CLVS1: variants seen among roughly 807,000 people sequenced by gnomAD.
CLVS1 encodes the protein clavesin 1, also known as clavesin-1.
A neutral mutation model predicts 33.1 loss-of-function variants in CLVS1; 10 were observed. That is an observed-to-expected ratio of 0.30 (90% CI 0.19 to 0.51). CLVS1 has a LOEUF of 0.51. Ranked by LOEUF, CLVS1 falls within the 20% of genes least tolerant of loss-of-function variation. The pLI, the probability that CLVS1 is intolerant of heterozygous loss-of-function variation, is 0.97. For synonymous variants in CLVS1, 163 were observed against 166.1 expected (o/e 0.98, Z 0.14); for missense variants, 343 against 433.4 (o/e 0.79, Z 1.85).
At chr8:61,388,526 C>T (rs910533681) in intron 3 of CLVS1, among the ~76,000 whole-genome samples, 2 of 151,902 alleles carry the variant, frequency 1.3e-5, no homozygotes, top group African/African-American at 2.4e-5. Flanking sequence ...AATTATACAG[C>T]AGTTGTATCT....
intron 2 of CLVS1, among the ~76,000 whole-genome samples, chr8:61,307,079 T>C (rs2129595179): frequency 6.6e-6 from 1 of 152,306 alleles, no homozygotes; most frequent in South Asian, 2.1e-4. Flanking sequence ...TGAATCCAGA[T>C]AATAAAAGCC....
chr8:60,980,907 G>A, the CLVS1 span, among the ~76,000 whole-genome samples: 1 of 132,930 alleles, frequency 7.5e-6, no homozygotes, highest in Non-Finnish European at 1.7e-5. Flanking sequence ...ACCCTCATAA[G>A]AGAGAGGCAG....
At chr8:61,440,993 C>G (rs565251090) in intron 3 of CLVS1, among the ~76,000 whole-genome samples, 17 of 152,216 alleles carry the variant, frequency 1.1e-4, no homozygotes, top group Non-Finnish European at 2.2e-4. Flanking sequence ...ATTGCATGAG[C>G]ACTTCATTTT....
chr8:61,043,044 A>G, the CLVS1 span, among the ~76,000 whole-genome samples: 66 of 152,288 alleles, frequency 4.3e-4, no homozygotes, highest in African/African-American at 1.5e-3. Context: ...GATTCCTCCC[A>G]ACCCAAAGCA....
At chr8:61,303,408 A>G (rs1375119248) in intron 2 of CLVS1, among the ~76,000 whole-genome samples, 4 of 152,204 alleles carry the variant, frequency 2.6e-5, no homozygotes, top group African/African-American at 7.2e-5. Context: ...TTCCTGAGAT[A>G]CCTGCCAGCT....
chr8:61,122,634 G>A (rs1206042216), intron 1 of CLVS1, among the ~76,000 whole-genome samples: 1 of 150,040 alleles, frequency 6.7e-6, no homozygotes, highest in Non-Finnish European at 1.5e-5. Context: ...AGCAAGAAGT[G>A]AAAGACTACA....
chr8:61,301,106 A>C (rs1810416062), intron 2 of CLVS1: 1 of 152,132 alleles, frequency 6.6e-6, no homozygotes, highest in South Asian at 2.1e-4. Context: ...GACCCTTCCA[A>C]AATTCTGTTA....
intron 2 of CLVS1, among the ~76,000 whole-genome samples, chr8:61,139,600 G>T (rs2129292762): frequency 6.6e-6 from 1 of 152,206 alleles, no homozygotes; most frequent in Non-Finnish European, 1.5e-5. Flanking sequence ...AGAAGGGAGG[G>T]CGCAGGCGTA....
intron 2 of CLVS1, among the ~76,000 whole-genome samples, chr8:61,346,728 G>T (rs1812233727): frequency 6.6e-6 from 1 of 152,178 alleles, no homozygotes; most frequent in South Asian, 2.1e-4. Context: ...GAGCATGGCA[G>T]ATCATAGTCC....
intron 2 of CLVS1, among the ~76,000 whole-genome samples, chr8:61,338,310 A>AT (rs112441994): frequency 1.3e-5 from 2 of 152,340 alleles, no homozygotes; most frequent in African/African-American, 4.8e-5. Flanking sequence ...TTTGCCACGC[A>AT]TTTACCATTT....
chr8:61,029,318 T>C, the CLVS1 span, among the ~76,000 whole-genome samples: 380 of 152,326 alleles, frequency 2.5e-3, 3 homozygotes, highest in African/African-American at 8.9e-3. Flanking sequence ...TGCCAAAGTC[T>C]GGTTTACTGC....
chr8:61,310,105 C>G (rs949055583), intron 2 of CLVS1, among the ~76,000 whole-genome samples: 9 of 152,132 alleles, frequency 5.9e-5, no homozygotes, highest in African/African-American at 2.2e-4. Context: ...AACCCTGCCC[C>G]CAAAGCCTAT....
At chr8:61,218,874 G>T (rs540280948) in intron 2 of CLVS1, among the ~76,000 whole-genome samples, 1 of 152,104 alleles carries the variant, frequency 6.6e-6, no homozygotes, top group Non-Finnish European at 1.5e-5. Context: ...AACCCGGGAG[G>T]TGGAGGCTGT....
At chr8:61,386,953 A>G (rs1196636403) in intron 3 of CLVS1, among the ~76,000 whole-genome samples, 2 of 152,250 alleles carry the variant, frequency 1.3e-5, no homozygotes, top group Non-Finnish European at 2.9e-5. Context: ...TCAATTTCCA[A>G]TAAAATTTTA....
intron 3 of CLVS1, among the ~76,000 whole-genome samples, chr8:61,417,651 CAG>C (rs1815494889): frequency 6.6e-6 from 1 of 152,178 alleles, no homozygotes; most frequent in Non-Finnish European, 1.5e-5. Context: ...CTATTCAAAA[CAG>C]AGAATCAGGT....
intron 3 of CLVS1, among the ~76,000 whole-genome samples, chr8:61,384,639 G>A (rs1814012400): frequency 6.6e-6 from 1 of 151,996 alleles, no homozygotes; most frequent in Non-Finnish European, 1.5e-5. Context: ...ATTTTTTAGG[G>A]GTTAGATATG....
chr8:61,322,957 TC>T (rs1811252859), intron 2 of CLVS1, among the ~76,000 whole-genome samples: 1 of 152,204 alleles, frequency 6.6e-6, no homozygotes, highest in Non-Finnish European at 1.5e-5. Context: ...CTTGTGGTAC[TC>T]CGAATAATCA....
At chr8:61,081,368 C>CAACAT (rs1423748049) in intron 1 of CLVS1, among the ~76,000 whole-genome samples, 3 of 152,136 alleles carry the variant, frequency 2.0e-5, no homozygotes, top group Non-Finnish European at 4.4e-5. Flanking sequence ...TGGGAGATGG[C>CAACAT]AACATAAGTG....
rs1002759960 is a variant in CLVS1 at position 61,272,867 on chromosome 8, G to T, written c.-151-26810G>T. Among the ~76,000 whole-genome samples, 8 of 152,138 alleles carry T rather than the reference G, an allele frequency of 5.3e-5. No individual in the cohort carries two copies. In the East Asian group the frequency reaches 9.7e-4, roughly 18 times the overall value. ...CGTCAGCTCCTTTAAGCACTTGTCT[G>T]TATTGGTTATTCTAGTTATACATTC... is the stretch of plus-strand genomic sequence containing the variant. On this transcript the variant is annotated intron_variant, in intron 2 of 2. Transcript: ENST00000522621.
Sources: allele counts gnomAD v4.1 joint callset (sites outside exome capture counted in the v4.1 genomes callset), GRCh38; gene constraint gnomAD v4.1.1; transcripts MANE v1.5; gene names NCBI Gene and HGNC (gene_info 2026-07-23, HGNC 2026-07-21).